The following TMEM72 variants were observed in gnomAD, a reference collection of about 807,000 sequenced individuals.
The protein encoded by TMEM72 is kidney-specific secretory protein of 37 kDa.
Under a neutral mutation model 16.3 loss-of-function variants are expected in TMEM72, and 9 were observed. The observed-to-expected ratio is 0.55, with a 90% CI of 0.33 to 0.96. The LOEUF is 0.96. Ranked by LOEUF, TMEM72 falls within the 40% of genes least tolerant of loss-of-function variation. The pLI is 0.03. For missense variants in TMEM72, 324 were observed against 337.8 expected (o/e 0.96, Z 0.32); for synonymous variants, 160 against 146.5 (o/e 1.09, Z -0.66).
At position 44,935,272 on chromosome 10, in the gene TMEM72, A is replaced by G. The variant is rs571151324; in HGVS notation, c.*138A>G. 2.3e-4 allele frequency: 188 copies of G among 800,650 alleles called. No homozygotes were observed. In the African/African-American group the frequency reaches 3.1e-3, roughly 13 times the overall value. The allele number at this position is 800,650 out of a possible 1,614,324, so 49.6% of individuals were successfully genotyped here. On this transcript the variant is annotated 3_prime_UTR_variant, in exon 5 of 5. Transcript: ENST00000389583. ...CCACACTGGCTGGGCCCCTGAGGCC[A>G]TCAGGAGGTGTGACTGGCCAGCATT...
At chr10:44,934,581 T>C in intron 4 of TMEM72, 75 bp from the exon 5 acceptor site, 3 of 1,423,206 alleles carry the variant, frequency 2.1e-6, no homozygotes, top group Non-Finnish European at 2.8e-6. Context: ...GGAGCTCTGC[T>C]GCACGACATG....
intron 1 of TMEM72, among the ~76,000 whole-genome samples, chr10:44,914,425 G>C (rs1014398408): frequency 6.6e-6 from 1 of 152,238 alleles, no homozygotes; most frequent in Admixed American, 6.5e-5. Context: ...TGTGGGGTTG[G>C]GGGGCAGGCG....
chr10:44,925,903 T>G (rs1055485094), intron 1 of TMEM72, among the ~76,000 whole-genome samples: 2 of 151,734 alleles, frequency 1.3e-5, no homozygotes, highest in African/African-American at 4.8e-5. Flanking sequence ...TCACATACAC[T>G]CACATATTCA....
chr10:44,929,358 C>A (rs1362800822), intron 2 of TMEM72, among the ~76,000 whole-genome samples: 1 of 152,208 alleles, frequency 6.6e-6, no homozygotes, highest in African/African-American at 2.4e-5. Flanking sequence ...CCCCCCAAAT[C>A]CTGAAGAGCT....
intron 1 of TMEM72, chr10:44,919,854 G>A (rs959291838): frequency 7.9e-5 from 12 of 152,110 alleles, no homozygotes; most frequent in African/African-American, 2.4e-4. Context: ...ATCTCCACAC[G>A]TAGGTAAACC....
chr10:44,931,467 C>T (rs567561799), intron 2 of TMEM72, among the ~76,000 whole-genome samples: 2 of 152,216 alleles, frequency 1.3e-5, no homozygotes, highest in Admixed American at 6.5e-5. Flanking sequence ...AGGAGACAGG[C>T]CTGGGGTAAG....
In TMEM72 at chr10:44,922,714, T is replaced by C. The variant is rs115249117; in HGVS notation, c.71-5207T>C. 6.6e-3 allele frequency among the ~76,000 whole-genome samples: 1,006 copies of C among 152,336 alleles called. 15 individuals are homozygous for C. Among genetic ancestry groups the C allele is most frequent in the African/African-American group, 0.023 (948 of 41,572 alleles). On this transcript the variant is annotated intron_variant, in intron 1 of 4. Transcript: ENST00000389583. ...ACAGGATTCTCCTCCACAGATCCTC[T>C]ATGAAGTCTTAAGTTATAAAACCAC...
At chr10:44,930,819 G>T (rs1165686782) in intron 2 of TMEM72, among the ~76,000 whole-genome samples, 3 of 152,152 alleles carry the variant, frequency 2.0e-5, no homozygotes, top group African/African-American at 7.2e-5. Flanking sequence ...TACTGTTGAT[G>T]CACTATAATA....
intron 1 of TMEM72, among the ~76,000 whole-genome samples, chr10:44,911,822 T>C (rs1045506532): frequency 6.6e-6 from 1 of 152,202 alleles, no homozygotes; most frequent in Non-Finnish European, 1.5e-5. Context: ...TCACCCTCCC[T>C]GTGACCTTGG....
intron 1 of TMEM72, among the ~76,000 whole-genome samples, chr10:44,914,568 T>C (rs1469439238): frequency 3.9e-5 from 6 of 152,156 alleles, no homozygotes; most frequent in Admixed American, 6.5e-5. Flanking sequence ...CACTCCACAT[T>C]CCCCTGTGCG....
At chr10:44,921,734 G>T (rs1367379281) in intron 1 of TMEM72, among the ~76,000 whole-genome samples, 1 of 152,208 alleles carries the variant, frequency 6.6e-6, no homozygotes, top group Admixed American at 6.5e-5. Context: ...GAGAAGTATG[G>T]AAGGCCAGAG....
chr10:44,929,153 T>A (rs1454835730), intron 2 of TMEM72, among the ~76,000 whole-genome samples: 1 of 151,516 alleles, frequency 6.6e-6, no homozygotes, highest in African/African-American at 2.5e-5. Flanking sequence ...GACCCTTTTT[T>A]TCCCCAGACA....
chr10:44,933,952 T>C (rs1197117244), intron 4 of TMEM72, among the ~76,000 whole-genome samples, 176 bp downstream of exon 4: 1 of 152,158 alleles, frequency 6.6e-6, no homozygotes. Flanking sequence ...ACATACTCCA[T>C]GCTGATCAAA....
intron 1 of TMEM72, among the ~76,000 whole-genome samples, chr10:44,918,519 T>C (rs1328372338): frequency 6.6e-6 from 1 of 152,150 alleles, no homozygotes; most frequent in African/African-American, 2.4e-5. Context: ...AAACCAAAGA[T>C]ATTACAAGAA....
intron 3 of TMEM72, among the ~76,000 whole-genome samples, chr10:44,932,598 C>T (rs1170741225): frequency 6.6e-6 from 1 of 152,202 alleles, no homozygotes; most frequent in East Asian, 1.9e-4. Flanking sequence ...AAGCTGTTAT[C>T]GGTGAGACCG....
intron 3 of TMEM72, among the ~76,000 whole-genome samples, 181 bp downstream of exon 3, chr10:44,932,250 T>C (rs1455328248): frequency 6.6e-6 from 1 of 152,170 alleles, no homozygotes; most frequent in Non-Finnish European, 1.5e-5. Context: ...GGGGCTCCAT[T>C]GCCTTCTTTG....
chr10:44,924,340 TG>T (rs1416302744), intron 1 of TMEM72, among the ~76,000 whole-genome samples: 1 of 152,226 alleles, frequency 6.6e-6, no homozygotes, highest in Non-Finnish European at 1.5e-5. Context: ...CCCTCCTGTC[TG>T]GCCCCAGAGC....
rs2297494 is a variant in TMEM72, at chr10:44,936,938, C to T, written c.*1804C>T. ...AGTCAGCAGAGCTGGATGACCAGAT[C>T]GCAAGAAGCAAACCAGAAAGTGTGA... On this transcript the variant is annotated 3_prime_UTR_variant, in exon 5 of 5. Transcript: ENST00000389583. 29,950 of 152,226 alleles carry T rather than the reference C, an allele frequency of 0.2. 3,112 individuals are homozygous for T. Among genetic ancestry groups the T allele is most frequent in the Middle Eastern group, 0.23 (68 of 292 alleles). 9.4% of individuals were successfully genotyped at this position (152,226 alleles called of 1,614,324 possible).
chr10:44,926,557 C>T (rs1213962162), intron 1 of TMEM72, among the ~76,000 whole-genome samples: 3 of 152,126 alleles, frequency 2.0e-5, no homozygotes, highest in Admixed American at 6.5e-5. Context: ...CATCTGTCCT[C>T]GCCCCAGGTG....
Sources: allele counts gnomAD v4.1 joint callset (sites outside exome capture counted in the v4.1 genomes callset), GRCh38; gene constraint gnomAD v4.1.1; transcripts MANE v1.5; gene names NCBI Gene and HGNC (gene_info 2026-07-23, HGNC 2026-07-21).